The following LAMC2 variants were observed in gnomAD, a reference collection of about 807,000 sequenced individuals.
The protein encoded by LAMC2 is laminin subunit gamma 2.
Under a neutral mutation model 140.2 loss-of-function variants are expected in LAMC2, and 97 were observed. The ratio of observed to expected loss-of-function variants is 0.69; its 90% confidence interval spans 0.59 to 0.82. The LOEUF (loss-of-function observed/expected upper bound fraction) is 0.82, where lower values mean the gene tolerates loss of function less well. Ranked by LOEUF, LAMC2 falls within the 40% of genes least tolerant of loss-of-function variation. LAMC2 has a pLI of 0.00. For synonymous variants in LAMC2, 513 were observed against 540.2 expected (o/e 0.95, Z 0.70); for missense variants, 1,402 against 1,476.1 (o/e 0.95, Z 0.82).
At chr1:183,241,891 G>A (rs1343455893) in intron 22 of LAMC2, among the ~76,000 whole-genome samples, 1 of 152,180 alleles carries the variant, frequency 6.6e-6, no homozygotes, top group African/African-American at 2.4e-5. Context: ...AATGAGACCT[G>A]TAAAGAGAAT....
In LAMC2 at chr1:183,228,763, C is replaced by A. The variant is rs1659712132; in HGVS notation, c.1714+144C>A. On this transcript the variant is annotated intron_variant, in intron 11 of 22. Transcript: ENST00000264144. This position sits in a 1 kb window ranked among gnomAD's most constrained non-coding sequence, Gnocchi z 4.3. Reference sequence around the variant, plus strand: ...AAACTGGCCTGTGAGCACCCTGGGCCTTTCTTCCTCTGTCAAAGGCCTTAA... The same window carrying A: ...AAACTGGCCTGTGAGCACCCTGGGCATTTCTTCCTCTGTCAAAGGCCTTAA... The A allele has an allele frequency of 9.1e-7, 1 of 1,094,784 alleles. No individual in the cohort carries two copies. Among genetic ancestry groups the A allele is most frequent in the Non-Finnish European group, 1.4e-6 (1 of 733,352 alleles). 67.8% of individuals were successfully genotyped at this position (1,094,784 alleles called of 1,614,324 possible). A position where few individuals can be genotyped will look rare whatever the true frequency, so the allele number is the denominator to read the frequency against.
rs756432879 is a variant in LAMC2, at chr1:183,235,706, C to G, written c.2432C>G (p.Ala811Gly). Residue 811 changes from alanine (A) to glycine (G), a missense_variant, in exon 16 of 23, where the codon GCT becomes GGT. Ala to Gly is a moderately conservative substitution (Grantham distance 60). Coordinates refer to ENST00000264144, the MANE Select transcript of LAMC2 (RefSeq NM_005562.3). The stretch of plus-strand genomic sequence containing the variant: ...AGCGGAAGCGGTAGCCCGGACGGTG[C>G]TGTGGTGCAAGGGCTTGTGGAAAAG... Reference protein sequence around the residue: ...VGSGSGSPDGAVVQGLVEKLE... With the variant: ...VGSGSGSPDGGVVQGLVEKLE... 7.7e-5 allele frequency: 124 copies of G among 1,614,100 alleles called. 2 individuals are homozygous for G. The South Asian group carries it at 1.3e-3, about 16-fold the overall frequency.
chr1:183,213,728 A>G lies in LAMC2; in HGVS notation c.269-1725A>G, dbSNP rs182077654. 2.3e-3 allele frequency among the ~76,000 whole-genome samples: 299 copies of G among 130,840 alleles called. 2 individuals are homozygous for G. The highest frequency in any genetic ancestry group is 2.6e-3 in the South Asian group (10 of 3,778). The allele number at this position is 130,840 out of a possible 152,430, so 85.8% of individuals were successfully genotyped here. A position where few individuals can be genotyped will look rare whatever the true frequency, so the allele number is the denominator to read the frequency against. On this transcript the variant is annotated intron_variant, in intron 2 of 22. Coordinates refer to ENST00000264144, the MANE Select transcript of LAMC2 (RefSeq NM_005562.3). ...GGTAGGGGAATCGCTTGAACCAGGGAGGCAGAGGTTGCAGTGAGCCAAAAA... is the reference window on the plus strand; with the variant it reads ...GGTAGGGGAATCGCTTGAACCAGGGGGGCAGAGGTTGCAGTGAGCCAAAAA...
Position 183,232,840 on chromosome 1 carries a change from G to A in LAMC2, c.2203G>A (p.Ala735Thr). Residue 735 changes from alanine to threonine, a missense_variant, in exon 14 of 23, where the codon GCT becomes ACT. Coordinates refer to ENST00000264144, the MANE Select transcript of LAMC2 (RefSeq NM_005562.3). ...GCAGCTGAGCCTGGCAGAAAGTGAA[G>A]CTTCCTTGGGAAACACTGTAGGTTT... ...QMQLSLAESE[A>T]SLGNTNIPAS... is the part of the protein sequence containing the mutation. 2.5e-6 allele frequency: 4 copies of A among 1,614,078 alleles called. No homozygotes were observed. The highest frequency in any genetic ancestry group is 3.4e-6 in the Non-Finnish European group (4 of 1,179,958).
chr1:183,232,607 C>T, intron 13 of LAMC2, 45 bp from the exon 14 acceptor site: 1 of 1,542,558 alleles, frequency 6.5e-7, no homozygotes, highest in South Asian at 1.1e-5. Context: ...TAACTCTATG[C>T]TGACCCAGAA....
In LAMC2 at chr1:183,232,200, T is replaced by C; in HGVS notation, c.1871T>C (p.Met624Thr). Residue 624 changes from methionine (M) to threonine (T), a missense_variant, in exon 13 of 23, where the codon ATG becomes ACG. Around this residue, in one of 3 missense-constraint regions of LAMC2, gnomAD observed 9 missense variants for 25.6 expected, o/e 0.35. Transcript: ENST00000264144. ...GTGTGGTTTCAGATGGATCAGTTTATGCAGCAGCTTCAGAGAATGGAGGCC... is the reference window on the plus strand; with the variant it reads ...GTGTGGTTTCAGATGGATCAGTTTACGCAGCAGCTTCAGAGAATGGAGGCC... ...NQVKIQMDQF[M>T]QQLQRMEALI... 1 of 1,613,918 alleles carries C rather than the reference T, an allele frequency of 6.2e-7. No homozygotes were observed. The highest frequency in any genetic ancestry group is 8.5e-7 in the Non-Finnish European group (1 of 1,180,014).
At chr1:183,236,029 G>A (rs551303531) in intron 16 of LAMC2, among the ~76,000 whole-genome samples, 19 of 152,268 alleles carry the variant, frequency 1.2e-4, no homozygotes, top group Admixed American at 1.2e-3. Context: ...GGCATGGGGA[G>A]ATATAAAAAT....
intron 2 of LAMC2, among the ~76,000 whole-genome samples, chr1:183,208,657 T>C (rs761373324): frequency 2.6e-5 from 4 of 152,132 alleles, no homozygotes; most frequent in Admixed American, 2.6e-4. Flanking sequence ...GGCTGGTTCA[T>C]AGGAGAGCTA....
At chr1:183,188,180 G>A (rs1658213495) in intron 1 of LAMC2, among the ~76,000 whole-genome samples, 1 of 152,164 alleles carries the variant, frequency 6.6e-6, no homozygotes, top group African/African-American at 2.4e-5. Flanking sequence ...TTCCCTGGAG[G>A]CAGACTAAGG....
intron 9 of LAMC2, 62 bp downstream of exon 9, chr1:183,226,978 TA>T: frequency 7.6e-7 from 1 of 1,310,064 alleles, no homozygotes; most frequent in South Asian, 1.2e-5. Context: ...GAGAGCTGTG[TA>T]AGAAAGACCA....
chr1:183,243,062 G>A, intron 22 of LAMC2, 85 bp from the exon 23 acceptor site: 1 of 1,463,626 alleles, frequency 6.8e-7, no homozygotes, highest in Non-Finnish European at 9.5e-7. Context: ...ATGGGAATTA[G>A]TTATGGGTAT....
chr1:183,256,675 T>C, the LAMC2 span, among the ~76,000 whole-genome samples: 48 of 152,218 alleles, frequency 3.2e-4, no homozygotes, highest in Admixed American at 3.3e-4. Flanking sequence ...ATAAGCTTCA[T>C]GTTGTGTTGT....
At chr1:183,220,732 A>G in intron 4 of LAMC2, 93 bp from the exon 5 acceptor site, 2 of 1,299,576 alleles carry the variant, frequency 1.5e-6, no homozygotes, top group Non-Finnish European at 2.2e-6. Flanking sequence ...GGCCAAATGG[A>G]AGAGAAGGTA....
chr1:183,249,637 G>C (rs1660319665), downstream of LAMC2: 1 of 150,830 alleles, frequency 6.6e-6, no homozygotes, highest in Non-Finnish European at 1.5e-5. Flanking sequence ...TCCTGTCCTG[G>C]ATTTAGTTGT....
intron 3 of LAMC2, among the ~76,000 whole-genome samples, chr1:183,216,123 C>G (rs1659246635): frequency 6.6e-6 from 1 of 152,194 alleles, no homozygotes; most frequent in African/African-American, 2.4e-5. Flanking sequence ...GATGGCTTGG[C>G]AGGGGCTTGG....
intron 1 of LAMC2, among the ~76,000 whole-genome samples, chr1:183,186,636 T>C (rs930015754): frequency 2.0e-5 from 3 of 152,230 alleles, no homozygotes; most frequent in African/African-American, 7.2e-5. Flanking sequence ...TTTTTAAAAA[T>C]AGTAAGACAA....
At position 183,186,346 on chromosome 1, in the gene LAMC2, C is replaced by T; in HGVS notation, c.-7C>T. 1 of 1,593,880 alleles carries T rather than the reference C, an allele frequency of 6.3e-7. No individual in the cohort carries two copies. Reference sequence around the variant, plus strand: ...CGGAGACAGAGACTGAGCGGCCCGGCCCCGCCATGCCTGCGCTCTGGCTGG... The same window carrying T: ...CGGAGACAGAGACTGAGCGGCCCGGTCCCGCCATGCCTGCGCTCTGGCTGG... On this transcript the variant is annotated 5_prime_UTR_variant, in exon 1 of 23. Transcript: ENST00000264144.
chr1:183,240,015 T>A lies in LAMC2; in HGVS notation c.3070-25T>A, dbSNP rs1486844023. 3 of 1,613,956 alleles carry A rather than the reference T, an allele frequency of 1.9e-6. No individual in the cohort carries two copies. The African/African-American group carries it at 4.0e-5, about 22-fold the overall frequency. Reference sequence around the variant, plus strand: ...TGCCTCACCCCTATCTCTCCTTCCGTCCCTGGCTCCTTTTCTTCTCTCAGG... The same window carrying A: ...TGCCTCACCCCTATCTCTCCTTCCGACCCTGGCTCCTTTTCTTCTCTCAGG... On this transcript the variant is annotated intron_variant, in intron 20 of 22. Transcript: ENST00000264144.
At chr1:183,233,379 A>G (rs894402256) in intron 14 of LAMC2, among the ~76,000 whole-genome samples, 1 of 152,074 alleles carries the variant, frequency 6.6e-6, no homozygotes, top group South Asian at 2.1e-4. Flanking sequence ...TGAAAATGGG[A>G]AAAAAATGCT....
Sources: allele counts gnomAD v4.1 joint callset (sites outside exome capture counted in the v4.1 genomes callset), GRCh38; gene constraint gnomAD v4.1.1; regional missense constraint gnomAD v4.1.1; non-coding constraint Gnocchi (gnomAD v3.1); transcripts MANE v1.5; gene names NCBI Gene and HGNC (gene_info 2026-07-23, HGNC 2026-07-21).